The following LHFPL3 variants were observed in gnomAD, a reference collection of about 807,000 sequenced individuals.
The protein encoded by LHFPL3 is LHFPL tetraspan subfamily member 3.
A neutral mutation model predicts 19.3 loss-of-function variants in LHFPL3; 5 were observed. The observed-to-expected ratio is 0.26, with a 90% CI of 0.14 to 0.54. The LOEUF (loss-of-function observed/expected upper bound fraction) is 0.54. Among genes scored for constraint, LHFPL3 ranks in the 20% least tolerant of loss-of-function variants. The pLI, the probability that LHFPL3 is intolerant of heterozygous loss-of-function variation, is 0.94. For synonymous variants in LHFPL3, 133 were observed against 126.2 expected (o/e 1.05, Z -0.36); for missense variants, 249 against 307.4 (o/e 0.81, Z 1.42).
chr7:104,803,819 T>G (rs1790302088), intron 2 of LHFPL3: 1 of 152,194 alleles, frequency 6.6e-6, no homozygotes, highest in Non-Finnish European at 1.5e-5. Flanking sequence ...TTACCCCTCT[T>G]AAATTACACG....
chr7:104,899,140 CTCTT>C (rs763936704), intron 2 of LHFPL3, among the ~76,000 whole-genome samples: 2 of 151,780 alleles, frequency 1.3e-5, no homozygotes, highest in African/African-American at 4.8e-5. Context: ...ATTTATTGAG[CTCTT>C]TCTATGTGCC....
chr7:104,454,666 A>G (rs1340596210), intron 1 of LHFPL3, among the ~76,000 whole-genome samples: 2 of 152,146 alleles, frequency 1.3e-5, no homozygotes, highest in East Asian at 3.9e-4. Flanking sequence ...TTATTGGGGT[A>G]AATCAATGAG....
chr7:104,783,185 TG>T (rs1367168041), intron 2 of LHFPL3, among the ~76,000 whole-genome samples: 1 of 152,238 alleles, frequency 6.6e-6, no homozygotes, highest in African/African-American at 2.4e-5. Context: ...TGGTGCACAT[TG>T]AAGTCAGAAT....
intron 2 of LHFPL3, among the ~76,000 whole-genome samples, chr7:104,832,778 A>G (rs1584563087): frequency 6.7e-6 from 1 of 148,702 alleles, no homozygotes; most frequent in Non-Finnish European, 1.5e-5. Context: ...GGAGTTCGAG[A>G]CCAGCCTGGC....
rs370153389 is a variant in LHFPL3 at position 104,458,813 on chromosome 7, A to G, written c.445+129589A>G. Among the ~76,000 whole-genome samples, 15 of 151,920 alleles carry G rather than the reference A, an allele frequency of 9.9e-5. No homozygotes were observed. The East Asian group carries it at 2.3e-3, about 23-fold the overall frequency. On this transcript the variant is annotated intron_variant, in intron 1 of 2. Transcript: ENST00000424859. Reference sequence around the variant, plus strand: ...TTCTAGGTCCCAACATTCTCAAACTATGTTTCTCACATCCTGTTGTCAGCT... The same window carrying G: ...TTCTAGGTCCCAACATTCTCAAACTGTGTTTCTCACATCCTGTTGTCAGCT...
intron 2 of LHFPL3, among the ~76,000 whole-genome samples, chr7:104,857,265 C>T (rs200117392): frequency 0.39 from 259 of 658 alleles, 4 homozygotes; most frequent in South Asian, 0.5. Context: ...CATAATAAGG[C>T]GGGGCAGGAA....
At chr7:104,806,332 A>G (rs1267976221) in intron 2 of LHFPL3, among the ~76,000 whole-genome samples, 1 of 152,296 alleles carries the variant, frequency 6.6e-6, no homozygotes, top group Non-Finnish European at 1.5e-5. Context: ...TCAAGATAAA[A>G]CTCAATCTGT....
chr7:104,693,079 G>A (rs555578466), intron 1 of LHFPL3, among the ~76,000 whole-genome samples: 1 of 152,348 alleles, frequency 6.6e-6, no homozygotes, highest in East Asian at 1.9e-4. Context: ...AGTCAAAGGA[G>A]ATCATTCGGA....
At position 104,907,291 on chromosome 7, in the gene LHFPL3, C is replaced by T. The variant is rs1423120992; in HGVS notation, c.*1076C>T. The T allele has an allele frequency of 1.3e-5, 2 of 151,920 alleles. No homozygotes were observed. Among genetic ancestry groups the T allele is most frequent in the Non-Finnish European group, 2.9e-5 (2 of 67,930 alleles). The allele number at this position is 151,920 out of a possible 1,614,324, so 9.4% of individuals were successfully genotyped here. ...TATTTCTAAATAATAGTAAGTGGTA[C>T]TAACAAAATAAATAATAATTTAATA... On this transcript the variant is annotated 3_prime_UTR_variant, in exon 3 of 3. Coordinates refer to ENST00000424859, the MANE Select transcript of LHFPL3 (RefSeq NM_199000.3).
intron 1 of LHFPL3, among the ~76,000 whole-genome samples, chr7:104,480,245 G>T (rs1793106462): frequency 6.6e-6 from 1 of 152,174 alleles, no homozygotes; most frequent in African/African-American, 2.4e-5. Flanking sequence ...CTGCCTCACA[G>T]AATTGTGAAG....
At chr7:104,785,168 T>G (rs546962238) in intron 2 of LHFPL3, 1 of 152,314 alleles carries the variant, frequency 6.6e-6, no homozygotes, top group East Asian at 1.9e-4. Flanking sequence ...CCTGTCTCCC[T>G]TGCCACTCTG....
chr7:104,589,228 G>A (rs1233510116), intron 1 of LHFPL3, among the ~76,000 whole-genome samples: 3 of 151,414 alleles, frequency 2.0e-5, no homozygotes, highest in South Asian at 2.1e-4. Context: ...TGCCCATTCA[G>A]TATGATATTG....
chr7:104,370,246 C>T (rs1464806355), intron 1 of LHFPL3, among the ~76,000 whole-genome samples: 1 of 152,146 alleles, frequency 6.6e-6, no homozygotes, highest in Admixed American at 6.6e-5. Context: ...GTGCAAAGAG[C>T]CTGGTTCTGA....
chr7:104,890,396 C>T lies in LHFPL3; in HGVS notation c.683-15791C>T, dbSNP rs557797366. On this transcript the variant is annotated intron_variant, in intron 2 of 2. Transcript: ENST00000424859. ...TGTGCATCTTAATCTTTGCTCCATC[C>T]CCTTCCTCCCCCGCATTACAACGCC... Among the ~76,000 whole-genome samples the T allele has an allele frequency of 1.4e-4, 22 of 152,272 alleles. No individual in the cohort carries two copies. The South Asian group carries it at 3.1e-3, about 22-fold the overall frequency.
intron 2 of LHFPL3, among the ~76,000 whole-genome samples, chr7:104,902,288 G>A (rs969183093): frequency 2.0e-5 from 3 of 151,762 alleles, no homozygotes; most frequent in African/African-American, 2.4e-5. Flanking sequence ...AGGCTGAGGT[G>A]GGAGGATCAT....
chr7:104,573,657 GC>G (rs1790272689), intron 1 of LHFPL3, among the ~76,000 whole-genome samples: 1 of 152,316 alleles, frequency 6.6e-6, no homozygotes, highest in South Asian at 2.1e-4. Context: ...CCTCCTAACA[GC>G]CAGGGCCTGG....
intron 1 of LHFPL3, among the ~76,000 whole-genome samples, chr7:104,447,114 C>G (rs981822738): frequency 7.2e-5 from 11 of 152,148 alleles, no homozygotes; most frequent in African/African-American, 2.7e-4. Flanking sequence ...AGCTGCAGCT[C>G]TGTAATACCT....
intron 1 of LHFPL3, among the ~76,000 whole-genome samples, chr7:104,672,815 C>G (rs187027924): frequency 9.6e-4 from 146 of 152,292 alleles, no homozygotes; most frequent in South Asian, 2.5e-3. Context: ...CCTTCCACCC[C>G]CGCCATTTTG....
At chr7:104,890,247 G>A (rs921438013) in intron 2 of LHFPL3, among the ~76,000 whole-genome samples, 2 of 152,160 alleles carry the variant, frequency 1.3e-5, no homozygotes, top group Admixed American at 6.5e-5. Flanking sequence ...AGGCTGCAGT[G>A]AACTATGATT....
Sources: allele counts gnomAD v4.1 joint callset (sites outside exome capture counted in the v4.1 genomes callset), GRCh38; gene constraint gnomAD v4.1.1; transcripts MANE v1.5; gene names NCBI Gene and HGNC (gene_info 2026-07-23, HGNC 2026-07-21).